Variants in RAF1 observed in about 807,000 individuals in gnomAD.
RAF1 encodes Raf-1 proto-oncogene, serine/threonine kinase.
Under a neutral mutation model 81.1 loss-of-function variants are expected in RAF1, and 27 were observed. The observed-to-expected ratio is 0.33, with a 90% CI of 0.25 to 0.46. The LOEUF is 0.46. Among genes scored for constraint, RAF1 ranks in the 20% least tolerant of loss-of-function variants. RAF1 has a pLI of 1.00. For missense variants in RAF1, 598 were observed against 826.0 expected, an observed-to-expected ratio of 0.72 and a Z score of 3.38; for synonymous variants, 298 against 294.0, an observed-to-expected ratio of 1.01 and a Z score of -0.14.
intron 8 of RAF1, 43 bp from the exon 8 acceptor site, chr3:12,600,458 G>T: frequency 6.2e-7 from 1 of 1,610,588 alleles, no homozygotes; most frequent in Non-Finnish European, 8.5e-7. Context: ...ACACACAAAA[G>T]ATTTTCTCTG....
At chr3:12,604,071 T>C (rs2125396250) in intron 7 of RAF1, 65 bp downstream of exon 7, 1 of 1,588,968 alleles carries the variant, frequency 6.3e-7, no homozygotes, top group East Asian at 2.2e-5. Flanking sequence ...CCCAAAACTC[T>C]GAAATAAGTA....
chr3:12,599,444 G>A (rs764575808), intron 11 of RAF1, among the ~76,000 whole-genome samples: 4 of 152,158 alleles, frequency 2.6e-5, no homozygotes, highest in Non-Finnish European at 5.9e-5. Flanking sequence ...GTTTAAAGGA[G>A]AAGTACTCCT....
At chr3:12,587,836 C>T (rs1306195089) in intron 13 of RAF1, 199 bp from the exon 13 acceptor site, 3 of 236,150 alleles carry the variant, frequency 1.3e-5, no homozygotes, top group South Asian at 1.1e-4. Context: ...CATGCTTACA[C>T]CTTTTTTTTT....
intron 2 of RAF1, among the ~76,000 whole-genome samples, chr3:12,617,112 TTTG>T (rs977326347): frequency 4.6e-5 from 7 of 151,830 alleles, no homozygotes; most frequent in Non-Finnish European, 1.0e-4. Context: ...CGGCTACATT[TTTG>T]TTGTTATTTC....
At chr3:12,614,752 TAA>T (rs987449767) in intron 2 of RAF1, among the ~76,000 whole-genome samples, 3 of 152,088 alleles carry the variant, frequency 2.0e-5, no homozygotes, top group African/African-American at 4.8e-5. Flanking sequence ...TGTTCCAAAA[TAA>T]GTTTATTTTA....
At chr3:12,658,677 AAAC>A (rs1221904542) in intron 1 of RAF1, among the ~76,000 whole-genome samples, 1 of 152,360 alleles carries the variant, frequency 6.6e-6, no homozygotes, top group African/African-American at 2.4e-5. Context: ...CAAAAAATGT[AAAC>A]AACCTCTAAA....
At chr3:12,639,203 G>A (rs533063973) in intron 1 of RAF1, among the ~76,000 whole-genome samples, 2 of 152,190 alleles carry the variant, frequency 1.3e-5, no homozygotes, top group South Asian at 4.2e-4. Context: ...AATAAACCAG[G>A]TATTGATGGG....
chr3:12,611,271 C>G (rs889336637), intron 3 of RAF1, among the ~76,000 whole-genome samples: 11 of 151,770 alleles, frequency 7.2e-5, no homozygotes, highest in African/African-American at 2.4e-4. Context: ...AGGCTGGAGT[C>G]CAGTAGCACA....
At chr3:12,661,462 C>A (rs1393523417) in intron 1 of RAF1, among the ~76,000 whole-genome samples, 1 of 151,410 alleles carries the variant, frequency 6.6e-6, no homozygotes, top group Non-Finnish European at 1.5e-5. Context: ...CCAGCGAGGC[C>A]GTGGGAGGCC....
At chr3:12,621,711 T>C (rs558919169) in intron 1 of RAF1, among the ~76,000 whole-genome samples, 15 of 152,314 alleles carry the variant, frequency 9.8e-5, no homozygotes, top group African/African-American at 3.4e-4. Flanking sequence ...TGAAAAACTG[T>C]GGTAAAGACC....
At position 12,600,265 on chromosome 3, in the gene RAF1, GGGCTGAAGGTGA is replaced by G; in HGVS notation, c.925_936del (p.Ser309_Ala312del). 6.2e-7 allele frequency: 1 copy of G among 1,614,174 alleles called. No individual in the cohort carries two copies. Among genetic ancestry groups the G allele is most frequent in the Non-Finnish European group, 8.5e-7 (1 of 1,180,034 alleles). On this transcript the variant is annotated inframe_deletion and splice_region_variant, in exon 10 of 18. Coordinates refer to ENST00000442415, the MANE Select transcript of RAF1 (RefSeq NM_001354689.3). ...CTCAGATTGTTGGGGCTACTGGACA[GGGCTGAAGGTGA>G]GGCTTAATAGACAAGACAAACAGAA...
At chr3:12,663,016 C>T (rs187471270) in intron 1 of RAF1, among the ~76,000 whole-genome samples, 3 of 152,236 alleles carry the variant, frequency 2.0e-5, no homozygotes, top group Admixed American at 1.3e-4. Context: ...AAGTTCCATT[C>T]CTTCTTCCCA....
At chr3:12,604,681 A>T (rs2058971453) in intron 6 of RAF1, among the ~76,000 whole-genome samples, 1 of 152,228 alleles carries the variant, frequency 6.6e-6, no homozygotes, top group Non-Finnish European at 1.5e-5. Flanking sequence ...AAATTTGAGA[A>T]TTTATTTAAA....
intron 11 of RAF1, among the ~76,000 whole-genome samples, chr3:12,594,429 C>G (rs2058622708): frequency 6.6e-6 from 1 of 152,154 alleles, no homozygotes; most frequent in African/African-American, 2.4e-5. Flanking sequence ...ATTTCATGGA[C>G]CTCGTTTTGT....
intron 1 of RAF1, among the ~76,000 whole-genome samples, chr3:12,651,824 A>C (rs2060536919): frequency 6.6e-6 from 1 of 151,500 alleles, no homozygotes; most frequent in South Asian, 2.1e-4. Flanking sequence ...AGCCTGGCCA[A>C]CATGGTGAAA....
chr3:12,638,392 G>C (rs1437448979), intron 1 of RAF1, among the ~76,000 whole-genome samples: 1 of 152,182 alleles, frequency 6.6e-6, no homozygotes, highest in Non-Finnish European at 1.5e-5. Context: ...AATCAGCATG[G>C]AGTAATTGTT....
chr3:12,630,944 C>T (rs1452952028), intron 1 of RAF1, among the ~76,000 whole-genome samples: 1 of 152,200 alleles, frequency 6.6e-6, no homozygotes, highest in Admixed American at 6.5e-5. Flanking sequence ...GCTGGGACTA[C>T]AGGCACGTGC....
Position 12,600,467 on chromosome 3 carries a change from T to TG in RAF1, c.895-53dup, listed in dbSNP as rs5746218. 2,108 of 1,592,330 alleles carry TG rather than the reference T, an allele frequency of 1.3e-3. 16 individuals are homozygous for TG. In the African/African-American group the frequency reaches 0.024, roughly 18 times the overall value. On this transcript the variant is annotated intron_variant, in intron 8 of 17. Coordinates refer to ENST00000442415, the MANE Select transcript of RAF1 (RefSeq NM_001354689.3). ...ACTCCTACACACAAAAGATTTTCTC[T>TG]GGGGGAGGGAAAAAAGAGGAGGAGG...
At position 12,585,812 on chromosome 3, in the gene RAF1, T is replaced by G; in HGVS notation, c.1478-13A>C. On this transcript the variant is annotated splice_polypyrimidine_tract_variant and intron_variant, in intron 14 of 17. Transcript: ENST00000442415. ...TGGAGAAATATATCTCAATGCTTGT[T>G]AAGGACTCTGGTTTCAAAAGAATGG... is the stretch of plus-strand genomic sequence containing the variant. 1 of 1,566,806 alleles carries G rather than the reference T, an allele frequency of 6.4e-7. No individual in the cohort carries two copies. Among genetic ancestry groups the G allele is most frequent in the Non-Finnish European group, 8.8e-7 (1 of 1,136,926 alleles).
Sources: allele counts gnomAD v4.1 joint callset (sites outside exome capture counted in the v4.1 genomes callset), GRCh38; gene constraint gnomAD v4.1.1; transcripts MANE v1.5; gene names NCBI Gene and HGNC (gene_info 2026-07-23, HGNC 2026-07-21).